Variants in HSBP1 observed in about 807,000 individuals in gnomAD.
HSBP1 encodes heat shock factor-binding protein 1.
Under a neutral mutation model 9.6 loss-of-function variants are expected in HSBP1, and 5 were observed. The ratio of observed to expected loss-of-function variants is 0.52; its 90% CI spans 0.27 to 1.09. The LOEUF (loss-of-function observed/expected upper bound fraction) is 1.09, where lower values mean the gene tolerates loss of function less well. Ranked by LOEUF, HSBP1 falls within the 50% of genes least tolerant of loss-of-function variation. The pLI, the probability that HSBP1 is intolerant of heterozygous loss-of-function variation, is 0.11. For missense variants in HSBP1, 121 were observed against 96.3 expected (o/e 1.26, Z -1.07); for synonymous variants, 42 against 33.3 (o/e 1.26, Z -0.90).
rs544218852 is a variant in HSBP1 at position 83,812,631 on chromosome 16, T to C, written c.*1213T>C. The C allele has an allele frequency of 2.6e-5, 4 of 152,342 alleles. No homozygotes were observed. In the South Asian group the frequency reaches 8.3e-4, roughly 32 times the overall value. 9.4% of individuals were successfully genotyped at this position (152,342 alleles called of 1,614,324 possible). ...ATCTATCAAAGTAAGAAATAATTTG[T>C]GCTGTATACAAATTACATGGGGAAC... On this transcript the variant is annotated 3_prime_UTR_variant, in exon 4 of 4. Coordinates refer to ENST00000433866, the MANE Select transcript of HSBP1 (RefSeq NM_001537.4).
At position 83,818,098 on chromosome 16, in the gene HSBP1, A is replaced by G. The variant is rs1904761607; in HGVS notation, c.*6680A>G. ...CTTGCTTGTAGAATTTTAGAGGTTC[A>G]TGGTTACCGTGGGTCGGCACTGGGT... On this transcript the variant is annotated 3_prime_UTR_variant, in exon 4 of 4. Coordinates refer to ENST00000433866, the MANE Select transcript of HSBP1 (RefSeq NM_001537.4). 1 of 152,146 alleles carries G rather than the reference A, an allele frequency of 6.6e-6. No individual in the cohort carries two copies. The highest frequency in any genetic ancestry group is 6.5e-5 in the Admixed American group (1 of 15,276). The allele number at this position is 152,146 out of a possible 1,614,324, so 9.4% of individuals were successfully genotyped here. A position where few individuals can be genotyped will look rare whatever the true frequency, so the allele number is the denominator to read the frequency against.
In HSBP1 at chr16:83,817,001, A is replaced by C. The variant is rs975958390; in HGVS notation, c.*5583A>C. 4.0e-5 allele frequency: 6 copies of C among 151,874 alleles called. No individual in the cohort carries two copies. Among genetic ancestry groups the C allele is most frequent in the Admixed American group, 2.6e-4 (4 of 15,268 alleles). The allele number at this position is 151,874 out of a possible 1,614,324, so 9.4% of individuals were successfully genotyped here. On this transcript the variant is annotated 3_prime_UTR_variant, in exon 4 of 4. Transcript: ENST00000433866. ...GAGATGGTTAAATCGGAATTAGCTGACTGTCAACCTTGGTGGCACATTAGA... is the reference window on the plus strand; with the variant it reads ...GAGATGGTTAAATCGGAATTAGCTGCCTGTCAACCTTGGTGGCACATTAGA...
At chr16:83,809,029 C>T (rs1904533469) in intron 2 of HSBP1, 1 of 551,270 alleles carries the variant, frequency 1.8e-6, no homozygotes, top group Non-Finnish European at 3.2e-6. Context: ...TGATGCTCAG[C>T]ATGACCTTAT....
In HSBP1 at chr16:83,812,581, A is replaced by G. The variant is rs762875988; in HGVS notation, c.*1163A>G. The G allele has an allele frequency of 3.3e-5, 5 of 152,144 alleles. No homozygotes were observed. Among genetic ancestry groups the G allele is most frequent in the Non-Finnish European group, 7.4e-5 (5 of 68,024 alleles). 9.4% of individuals were successfully genotyped at this position (152,144 alleles called of 1,614,324 possible). A position where few individuals can be genotyped will look rare whatever the true frequency, so the allele number is the denominator to read the frequency against. On this transcript the variant is annotated 3_prime_UTR_variant, in exon 4 of 4. Transcript: ENST00000433866. The stretch of plus-strand genomic sequence containing the variant: ...ATGATTTTTTTAAGTTTCTCATCTC[A>G]CCAGTCTTGGTGTTTATATTGCAAA...
At position 83,816,994 on chromosome 16, in the gene HSBP1, T is replaced by A. The variant is rs1904735594; in HGVS notation, c.*5576T>A. The A allele has an allele frequency of 6.6e-6, 1 of 152,184 alleles. No homozygotes were observed. The highest frequency in any genetic ancestry group is 6.5e-5 in the Admixed American group (1 of 15,284). 9.4% of individuals were successfully genotyped at this position (152,184 alleles called of 1,614,324 possible). On this transcript the variant is annotated 3_prime_UTR_variant, in exon 4 of 4. Transcript: ENST00000433866. ...AACACTGGAGATGGTTAAATCGGAATTAGCTGACTGTCAACCTTGGTGGCA... is the reference window on the plus strand; with the variant it reads ...AACACTGGAGATGGTTAAATCGGAAATAGCTGACTGTCAACCTTGGTGGCA...
Position 83,815,026 on chromosome 16 carries a change from T to G in HSBP1, c.*3608T>G, listed in dbSNP as rs992133959. 3.5e-5 allele frequency: 1 copy of G among 28,394 alleles called. No homozygotes were observed. The highest frequency in any genetic ancestry group is 1.2e-4 in the Non-Finnish European group (1 of 8,428). 1.8% of individuals were successfully genotyped at this position (28,394 alleles called of 1,614,324 possible). A position where few individuals can be genotyped will look rare whatever the true frequency, so the allele number is the denominator to read the frequency against. ...TTCACTGTTTTTTGTTTTGTGGTGT[T>G]TTTTTTTTATTGCAACGAAGACTTT... On this transcript the variant is annotated 3_prime_UTR_variant, in exon 4 of 4. Coordinates refer to ENST00000433866, the MANE Select transcript of HSBP1 (RefSeq NM_001537.4).
chr16:83,809,462 CTTTTTTTTTTT>C (rs34576085), intron 3 of HSBP1, 37 bp downstream of exon 3: 16 of 408,388 alleles, frequency 3.9e-5, no homozygotes, highest in East Asian at 1.9e-4. Flanking sequence ...CTTTTCTTTT[CTTTTTTTTTTT>C]TTTTTTTTTT....
chr16:83,809,158 A>G (rs1288654660), intron 2 of HSBP1, 147 bp from the exon 3 acceptor site: 5 of 618,812 alleles, frequency 8.1e-6, no homozygotes, highest in Non-Finnish European at 1.4e-5. Flanking sequence ...ACAGTCCTGT[A>G]CTCTTACCCA....
rs1284484773 is a variant in HSBP1, at chr16:83,819,659, T to C, written c.*8241T>C. On this transcript the variant is annotated 3_prime_UTR_variant, in exon 4 of 4. Coordinates refer to ENST00000433866, the MANE Select transcript of HSBP1 (RefSeq NM_001537.4). ...GTGTTTCGGTTGATTAAAAAGCTTT[T>C]AAAGAGCATAGTAAATATTTTACCA... The C allele has an allele frequency of 6.6e-6, 1 of 152,230 alleles. No individual in the cohort carries two copies. Among genetic ancestry groups the C allele is most frequent in the East Asian group, 1.9e-4 (1 of 5,204 alleles). 9.4% of individuals were successfully genotyped at this position (152,230 alleles called of 1,614,324 possible). A position where few individuals can be genotyped will look rare whatever the true frequency, so the allele number is the denominator to read the frequency against.
At chr16:83,809,250 C>T (rs1904539225) in intron 2 of HSBP1, 55 bp from the exon 3 acceptor site, 6 of 1,111,338 alleles carry the variant, frequency 5.4e-6, no homozygotes, top group East Asian at 5.1e-5. Context: ...TCTGCAGGGA[C>T]GGGAGGAAAA....
rs889183485 is a variant in HSBP1, at chr16:83,815,466, C to T, written c.*4048C>T. On this transcript the variant is annotated 3_prime_UTR_variant, in exon 4 of 4. Coordinates refer to ENST00000433866, the MANE Select transcript of HSBP1 (RefSeq NM_001537.4). ...AGTCGAGGTTGCAGTGAGCTGTGAT[C>T]GGACGACTCCACTCCAGCCGGGGTG... 6.7e-6 allele frequency: 1 copy of T among 148,536 alleles called. No individual in the cohort carries two copies. Among genetic ancestry groups the T allele is most frequent in the African/African-American group, 2.5e-5 (1 of 39,990 alleles). The allele number at this position is 148,536 out of a possible 1,614,324, so 9.2% of individuals were successfully genotyped here.
intron 3 of HSBP1, among the ~76,000 whole-genome samples, chr16:83,809,982 C>A (rs1046867817): frequency 6.6e-6 from 1 of 152,058 alleles, no homozygotes; most frequent in Non-Finnish European, 1.5e-5. Flanking sequence ...ACTTCTGTCA[C>A]TATTAGTGAA....
rs960802898 is a variant in HSBP1, at chr16:83,814,877, A to G, written c.*3459A>G. On this transcript the variant is annotated 3_prime_UTR_variant, in exon 4 of 4. Coordinates refer to ENST00000433866, the MANE Select transcript of HSBP1 (RefSeq NM_001537.4). ...GGGAATATGAACCACAGGTTTTCAC[A>G]TTGGTTTTCCATGCCTATACCTGTC... The G allele has an allele frequency of 1.3e-5, 2 of 151,958 alleles. No homozygotes were observed. The highest frequency in any genetic ancestry group is 2.4e-5 in the African/African-American group (1 of 41,322). 9.4% of individuals were successfully genotyped at this position (151,958 alleles called of 1,614,324 possible).
chr16:83,816,067 G>C lies in HSBP1; in HGVS notation c.*4649G>C, dbSNP rs906028570. On this transcript the variant is annotated 3_prime_UTR_variant, in exon 4 of 4. Coordinates refer to ENST00000433866, the MANE Select transcript of HSBP1 (RefSeq NM_001537.4). Reference sequence around the variant, plus strand: ...TGGCAAGAAGTCCCAAGGGAGGGCAGCTCTGGGGCGAGTAAATTCTGCACC... The same window carrying C: ...TGGCAAGAAGTCCCAAGGGAGGGCACCTCTGGGGCGAGTAAATTCTGCACC... The C allele has an allele frequency of 6.6e-6, 1 of 152,212 alleles. No homozygotes were observed. Among genetic ancestry groups the C allele is most frequent in the Non-Finnish European group, 1.5e-5 (1 of 68,058 alleles). The allele number at this position is 152,212 out of a possible 1,614,324, so 9.4% of individuals were successfully genotyped here.
At chr16:83,808,632 G>A in intron 1 of HSBP1, 48 bp from the exon 2 acceptor site, 5 of 1,496,716 alleles carry the variant, frequency 3.3e-6, no homozygotes, top group South Asian at 1.2e-5. Flanking sequence ...CCAGGAAGTT[G>A]TCTCAGGATC....
intron 3 of HSBP1, among the ~76,000 whole-genome samples, chr16:83,810,811 AAAAAT>A (rs748347082): frequency 2.5e-4 from 38 of 152,318 alleles, no homozygotes; most frequent in Middle Eastern, 3.4e-3. Flanking sequence ...TCTGTCTCAA[AAAAAT>A]AAAATAAAAT....
rs183825960 is a variant in HSBP1 at position 83,810,515 on chromosome 16, C to G, written c.*3-906C>G. 1.9e-4 allele frequency among the ~76,000 whole-genome samples: 20 copies of G among 107,308 alleles called. No individual in the cohort carries two copies. The East Asian group carries it at 4.4e-3, about 24-fold the overall frequency. 70.4% of individuals were successfully genotyped at this position (107,308 alleles called of 152,430 possible). On this transcript the variant is annotated intron_variant, in intron 3 of 3. Transcript: ENST00000433866. The stretch of plus-strand genomic sequence containing the variant: ...CCAGCCTGGGCGACAGAGTGAGACT[C>G]TGTCTCAAAAAAAAAAAAAAAAAAA...
rs886998098 is a variant in HSBP1, at chr16:83,816,701, T to G, written c.*5283T>G. The G allele has an allele frequency of 7.2e-5, 11 of 152,160 alleles. No individual in the cohort carries two copies. The highest frequency in any genetic ancestry group is 1.5e-5 in the Non-Finnish European group (1 of 68,056). The allele number at this position is 152,160 out of a possible 1,614,324, so 9.4% of individuals were successfully genotyped here. On this transcript the variant is annotated 3_prime_UTR_variant, in exon 4 of 4. Coordinates refer to ENST00000433866, the MANE Select transcript of HSBP1 (RefSeq NM_001537.4). ...GGGATGCTGCGTCAACACCCTACCA[T>G]GCACAGGACAACCCTCACCCCAAAG...
chr16:83,809,441 AT>A lies in HSBP1; in HGVS notation c.*2+26del, dbSNP rs200049557. The A allele has an allele frequency of 7.5e-4, 789 of 1,056,686 alleles. 3 individuals carry two copies. The highest frequency in any genetic ancestry group is 4.6e-3 in the African/African-American group (264 of 57,780). The allele number at this position is 1,056,686 out of a possible 1,614,324, so 65.5% of individuals were successfully genotyped here. A position where few individuals can be genotyped will look rare whatever the true frequency, so the allele number is the denominator to read the frequency against. On this transcript the variant is annotated intron_variant, in intron 3 of 3. Transcript: ENST00000433866. ...AGAGTTGAAGGTGAGGAAGGGGGCA[AT>A]TTTTTTTTTCTTTTCTTTTCTTTTT...
Sources: allele counts gnomAD v4.1 joint callset (sites outside exome capture counted in the v4.1 genomes callset), GRCh38; gene constraint gnomAD v4.1.1; transcripts MANE v1.5; gene names NCBI Gene and HGNC (gene_info 2026-07-23, HGNC 2026-07-21).